The following WNK3 variants were observed in gnomAD, a reference collection of about 807,000 sequenced individuals.
The protein encoded by WNK3 is serine/threonine-protein kinase WNK3.
Under a neutral mutation model 116.7 loss-of-function variants are expected in WNK3, and 18 were observed. The ratio of observed to expected loss-of-function variants is 0.15; its 90% confidence interval spans 0.11 to 0.23. WNK3 has a LOEUF of 0.23. Among genes scored for constraint, WNK3 ranks in the 10% least tolerant of loss-of-function variants. WNK3 has a pLI of 1.00. For missense variants in WNK3, 993 were observed against 1,323.8 expected, an observed-to-expected ratio of 0.75 and a Z score of 3.88; for synonymous variants, 404 against 469.4, an observed-to-expected ratio of 0.86 and a Z score of 1.80.
intron 22 of WNK3, 73 bp downstream of exon 22, chrX:54,228,641 A>G (rs1557148330): frequency 2.3e-6 from 1 of 430,306 alleles, no homozygotes; most frequent in African/African-American, 2.5e-5. Flanking sequence ...GAACATTATG[A>G]TATGTGAAAT....
At chrX:54,333,021 G>C (rs2069190840) in intron 2 of WNK3, 116 bp downstream of exon 2, 5 of 522,056 alleles carry the variant, frequency 9.6e-6, no homozygotes, top group Admixed American at 3.6e-5. Context: ...CTAGGATGTG[G>C]GGGACAAGCC....
At chrX:54,313,357 T>A (rs1176137980) in intron 2 of WNK3, among the ~76,000 whole-genome samples, 1 of 109,128 alleles carries the variant, frequency 9.2e-6, no homozygotes, top group Non-Finnish European at 1.9e-5. Flanking sequence ...CCTCTGTATT[T>A]TTTTTTTTTT....
rs1320038628 is a variant in WNK3, at chrX:54,282,040, TTTTG to T, written c.2037+10844_2037+10847del. On this transcript the variant is annotated intron_variant, in intron 10 of 23. Coordinates refer to ENST00000354646, the Ensembl canonical transcript of WNK3. The stretch of plus-strand genomic sequence containing the variant: ...AATTTTTTGAGGAACTTTCATACTG[TTTTG>T]TTTGTTTGTTTTTGAGACAGGGTCT... 2.9e-3 allele frequency among the ~76,000 whole-genome samples: 313 copies of T among 107,001 alleles called. 3 individuals are homozygous for T. The highest frequency in any genetic ancestry group is 0.01 in the African/African-American group (298 of 29,309). The allele number at this position is 107,001 out of a possible 115,157, so 92.9% of individuals were successfully genotyped here. A position where few individuals can be genotyped will look rare whatever the true frequency, so the allele number is the denominator to read the frequency against.
At chrX:54,225,824 C>T (rs2067829903) in intron 22 of WNK3, among the ~76,000 whole-genome samples, 1 of 108,622 alleles carries the variant, frequency 9.2e-6, no homozygotes, top group African/African-American at 3.3e-5. Flanking sequence ...ATTCAAATTA[C>T]CCAGAATAGT....
intron 2 of WNK3, among the ~76,000 whole-genome samples, chrX:54,321,087 G>C (rs1557172141): frequency 9.1e-6 from 1 of 109,496 alleles, no homozygotes; most frequent in African/African-American, 3.3e-5. Context: ...AGTAGAGGAG[G>C]AGTTTCGCCA....
At position 54,208,315 on chromosome X, in the gene WNK3, G is replaced by A. The variant is rs782136584; in HGVS notation, c.4871-6122C>T. Among the ~76,000 whole-genome samples, 513 of 109,735 alleles carry A rather than the reference G, an allele frequency of 4.7e-3. 1 individual carries two copies. The highest frequency in any genetic ancestry group is 7.2e-3 in the Non-Finnish European group (379 of 52,708). On this transcript the variant is annotated intron_variant, in intron 22 of 23. Coordinates refer to ENST00000354646, the Ensembl canonical transcript of WNK3. ...AAGTTTTTGTATTTTTAGTAGAGAC[G>A]GGGTTTCACTGTGTTAGCCAGGATG...
At chrX:54,253,676 GT>G (rs2068160581) in intron 13 of WNK3, among the ~76,000 whole-genome samples, 1 of 112,077 alleles carries the variant, frequency 8.9e-6, no homozygotes, top group African/African-American at 3.2e-5. Flanking sequence ...CAATACAATT[GT>G]TTTTAAAAAG....
At chrX:54,283,766 C>CA (rs782377430) in intron 10 of WNK3, among the ~76,000 whole-genome samples, 1,094 of 23,424 alleles carry the variant, frequency 0.047, 30 homozygotes, top group Non-Finnish European at 0.068. Context: ...AAGACTGTCT[C>CA]AAAAAAAAAA....
chrX:54,268,080 GCACACACACACACACA>G (rs57010526), intron 10 of WNK3, among the ~76,000 whole-genome samples: 87 of 80,805 alleles, frequency 1.1e-3, no homozygotes, highest in African/African-American at 3.4e-3. Context: ...CTGAATGCGT[GCACACACACACACACA>G]CACACACACA....
chrX:54,341,025 C>A (rs1487844908), intron 1 of WNK3, among the ~76,000 whole-genome samples: 1 of 112,089 alleles, frequency 8.9e-6, no homozygotes, highest in Admixed American at 9.5e-5. Context: ...GCACTATTCA[C>A]AATACCCAAA....
rs372893926 is a variant in WNK3 at position 54,259,327 on chromosome X, T to C, written c.2049A>G (p.Gln683=). Reference sequence around the variant, plus strand: ...CTGCTTGTTGTTCAGCTCCAACTGGTTGGGATACAGGCTGTAAACAGTACA... The same window carrying C: ...CTGCTTGTTGTTCAGCTCCAACTGGCTGGGATACAGGCTGTAAACAGTACA... The change falls in exon 11 of 24, where the codon CAA becomes CAG. Residue 683 remains glutamine (Q), a synonymous_variant. Coordinates refer to ENST00000354646, the Ensembl canonical transcript of WNK3. 1.8e-5 allele frequency: 22 copies of C among 1,191,803 alleles called. No homozygotes were observed. In the African/African-American group the frequency reaches 2.1e-4, roughly 11 times the overall value.
At chrX:54,244,068 G>A (rs1399877152) in intron 17 of WNK3, among the ~76,000 whole-genome samples, 1 of 111,868 alleles carries the variant, frequency 8.9e-6, no homozygotes, top group Non-Finnish European at 1.9e-5. Context: ...GTTGCAAGGG[G>A]CAAGGGGGAA....
At chrX:54,347,117 T>A (rs1267683641) in intron 1 of WNK3, among the ~76,000 whole-genome samples, 6 of 112,041 alleles carry the variant, frequency 5.4e-5, no homozygotes, top group Non-Finnish European at 7.5e-5. Context: ...CACAGTTATA[T>A]ATAATTACCT....
chrX:54,253,893 G>T, intron 13 of WNK3, 66 bp downstream of exon 13: 1 of 750,685 alleles, frequency 1.3e-6, no homozygotes, highest in Non-Finnish European at 2.0e-6. Context: ...AATAAATGGA[G>T]ACAGAATTAT....
chrX:54,301,887 CAAT>C (rs1557167544), intron 5 of WNK3, 28 bp from the exon 6 acceptor site: 3 of 1,060,111 alleles, frequency 2.8e-6, no homozygotes, highest in Non-Finnish European at 3.9e-6. Context: ...TTTCTAGTAA[CAAT>C]GATGCAATTG....
intron 22 of WNK3, among the ~76,000 whole-genome samples, chrX:54,219,165 C>A (rs1557146026): frequency 2.7e-5 from 3 of 110,834 alleles, no homozygotes. Flanking sequence ...TTAATGAGAT[C>A]CATACCTAGA....
At chrX:54,239,213 A>C (rs2067997253) in intron 17 of WNK3, 114 bp from the exon 18 acceptor site, 2 of 541,271 alleles carry the variant, frequency 3.7e-6, no homozygotes, top group Middle Eastern at 6.0e-4. Flanking sequence ...TAAAAAAAAA[A>C]AAAAACGGAA....
intron 2 of WNK3, among the ~76,000 whole-genome samples, chrX:54,324,622 C>T: frequency 8.9e-6 from 1 of 112,397 alleles, no homozygotes; most frequent in Middle Eastern, 4.6e-3. Flanking sequence ...TGTAATCACG[C>T]TTTGTCCATG....
At chrX:54,312,222 A>G (rs2068894724) in intron 2 of WNK3, among the ~76,000 whole-genome samples, 1 of 109,877 alleles carries the variant, frequency 9.1e-6, no homozygotes, top group African/African-American at 3.3e-5. Flanking sequence ...ACTACTCGAG[A>G]GGGTAAGGTG....
Sources: allele counts gnomAD v4.1 joint callset (sites outside exome capture counted in the v4.1 genomes callset), GRCh38; gene constraint gnomAD v4.1.1; transcripts MANE v1.5; gene names NCBI Gene and HGNC (gene_info 2026-07-23, HGNC 2026-07-21).